Variants in TNRC6B observed in about 807,000 individuals in gnomAD.
TNRC6B encodes trinucleotide repeat-containing gene 6B protein.
In TNRC6B, 52 loss-of-function variants were observed where a neutral mutation model predicts 203.6. The ratio of observed to expected loss-of-function variants is 0.26; its 90% CI spans 0.20 to 0.32. TNRC6B has a LOEUF of 0.32. TNRC6B is among the 10% of genes least tolerant of loss of function. The pLI, the probability that TNRC6B is intolerant of heterozygous loss-of-function variation, is 1.00. For missense variants in TNRC6B, 1,923 were observed against 2,286.2 expected (o/e 0.84, Z 3.24); for synonymous variants, 838 against 845.7 (o/e 0.99, Z 0.16).
chr22:40,295,213 C>T lies in TNRC6B; in HGVS notation c.3709-5242C>T, dbSNP rs147828759. On this transcript the variant is annotated intron_variant, in intron 12 of 22. Transcript: ENST00000454349. ...AAGATGGGCCAAGCATGGTGGCTCA[C>T]GCCTGTAATCCTAGCATTTCGGGAG... Among the ~76,000 whole-genome samples, 627 of 152,260 alleles carry T rather than the reference C, an allele frequency of 4.1e-3. 5 individuals are homozygous for T. The highest frequency in any genetic ancestry group is 0.013 in the African/African-American group (560 of 41,552).
intron 4 of TNRC6B, among the ~76,000 whole-genome samples, chr22:40,158,383 TAAATAAAG>T (rs2068837815): frequency 1.4e-5 from 2 of 141,130 alleles, no homozygotes; most frequent in African/African-American, 5.1e-5. Context: ...AATAAATAAA[TAAATAAAG>T]AGGGAGTTGA....
rs2071443941 is a variant in TNRC6B at position 40,329,629 on chromosome 22, G to A, written c.*6388G>A. On this transcript the variant is annotated 3_prime_UTR_variant, in exon 23 of 23. Coordinates refer to ENST00000454349, the MANE Select transcript of TNRC6B (RefSeq NM_001162501.2). ...CCATGAACCTACGAGGTGGTAAAGGGGGACACAGGTCAGGGAGTGGAGAGC... is the reference window on the plus strand; with the variant it reads ...CCATGAACCTACGAGGTGGTAAAGGAGGACACAGGTCAGGGAGTGGAGAGC... The A allele has an allele frequency of 6.6e-6, 1 of 152,106 alleles. No individual in the cohort carries two copies. The highest frequency in any genetic ancestry group is 6.5e-5 in the Admixed American group (1 of 15,278). 9.4% of individuals were successfully genotyped at this position (152,106 alleles called of 1,614,324 possible).
At chr22:40,171,777 C>T (rs1401242612) in intron 4 of TNRC6B, among the ~76,000 whole-genome samples, 1 of 152,154 alleles carries the variant, frequency 6.6e-6, no homozygotes, top group African/African-American at 2.4e-5. Flanking sequence ...TCTTGAGATT[C>T]ATTTCATGCC....
chr22:40,315,305 A>G lies in TNRC6B; in HGVS notation c.4701A>G (p.Ser1567=). The change falls in exon 20 of 23, where the codon TCA becomes TCG. Residue 1567 remains serine, a synonymous_variant. Transcript: ENST00000454349. ...CAGCAAAGTTCCCTGATTACAAATC[A>G]ACATGGTCCCCAGATCCCATAGGAC... ...STSAKFPDYK[S]TWSPDPIGHN... The G allele has an allele frequency of 6.2e-7, 1 of 1,614,026 alleles. No individual in the cohort carries two copies. The highest frequency in any genetic ancestry group is 8.5e-7 in the Non-Finnish European group (1 of 1,179,896).
intron 3 of TNRC6B, among the ~76,000 whole-genome samples, chr22:40,152,761 G>A (rs866056359): frequency 2.6e-5 from 4 of 152,032 alleles, no homozygotes; most frequent in South Asian, 4.2e-4. Context: ...GTGAGCCACC[G>A]TGCCTGGCTT....
chr22:40,059,331 C>T (rs767433532), intron 1 of TNRC6B, among the ~76,000 whole-genome samples: 22 of 152,178 alleles, frequency 1.4e-4, no homozygotes, highest in Non-Finnish European at 3.1e-4. Context: ...ATTACGTAGA[C>T]TTTGCTAATT....
Position 40,315,333 on chromosome 22 carries a change from A to C in TNRC6B, c.4729A>C (p.Asn1577His), listed in dbSNP as rs1408771842. The change falls in exon 20 of 23, where the codon AAC becomes CAC. Residue 1577 changes from asparagine to histidine, a missense_variant. Physicochemically the swap from Asn to His is moderately conservative, Grantham distance 68. This residue lies in a region of TNRC6B where 159 missense variants were observed against 181.0 expected (regional missense o/e 0.88). Coordinates refer to ENST00000454349, the MANE Select transcript of TNRC6B (RefSeq NM_001162501.2). ...ATGGTCCCCAGATCCCATAGGACAC[A>C]ACCCCACTCATCTCTCCAACAAGAT... Reference protein sequence around the residue: ...STWSPDPIGHNPTHLSNKMWK... With the variant: ...STWSPDPIGHHPTHLSNKMWK... 6 of 1,613,998 alleles carry C rather than the reference A, an allele frequency of 3.7e-6. No individual in the cohort carries two copies. Among genetic ancestry groups the C allele is most frequent in the Non-Finnish European group, 5.1e-6 (6 of 1,179,886 alleles).
chr22:40,170,862 CATATAT>C (rs1217399705), intron 4 of TNRC6B, among the ~76,000 whole-genome samples: 1 of 111,384 alleles, frequency 9.0e-6, no homozygotes, highest in Non-Finnish European at 1.8e-5. Context: ...TGTATATATA[CATATAT>C]GTACATATAT....
At chr22:40,260,718 C>G (rs1376286799) in intron 3 of TNRC6B, among the ~76,000 whole-genome samples, 1 of 152,180 alleles carries the variant, frequency 6.6e-6, no homozygotes, top group Non-Finnish European at 1.5e-5. Context: ...GGACATTTAA[C>G]TCTTCTAGGC....
At chr22:40,286,622 G>T (rs927727741) in intron 12 of TNRC6B, among the ~76,000 whole-genome samples, 5 of 152,200 alleles carry the variant, frequency 3.3e-5, no homozygotes, top group African/African-American at 1.2e-4. Flanking sequence ...AACTAATGAA[G>T]TAGCAGAGAC....
In TNRC6B at chr22:40,264,896, G is replaced by T. The variant is rs199953986; in HGVS notation, c.666G>T (p.Ser222=). The T allele has an allele frequency of 2.5e-6, 4 of 1,613,776 alleles. No individual in the cohort carries two copies. Among genetic ancestry groups the T allele is most frequent in the Non-Finnish European group, 3.4e-6 (4 of 1,179,854 alleles). The change falls in exon 5 of 23, where the codon TCG becomes TCT. Residue 222 remains serine (S), a synonymous_variant. Coordinates refer to ENST00000454349, the MANE Select transcript of TNRC6B (RefSeq NM_001162501.2). ...ACACCACCGATAACAACAGTGCCTC[G>T]AACCCTGGCTCTGAGAAGAGCACTC... The part of the protein sequence containing the change: ...SENTTDNNSA[S]NPGSEKSTLP...
rs553546600 is a variant in TNRC6B at position 40,329,554 on chromosome 22, C to T, written c.*6313C>T. On this transcript the variant is annotated 3_prime_UTR_variant, in exon 23 of 23. Coordinates refer to ENST00000454349, the MANE Select transcript of TNRC6B (RefSeq NM_001162501.2). ...ACAATAAAAATTCAACATCGACCCT[C>T]CCTAACCTGCTCACCATACCTCCCC... 3 of 152,224 alleles carry T rather than the reference C, an allele frequency of 2.0e-5. No homozygotes were observed. Among genetic ancestry groups the T allele is most frequent in the Admixed American group, 2.0e-4 (3 of 15,290 alleles). The allele number at this position is 152,224 out of a possible 1,614,324, so 9.4% of individuals were successfully genotyped here.
chr22:40,243,329 T>A (rs1367148890), intron 1 of TNRC6B, among the ~76,000 whole-genome samples: 2 of 152,208 alleles, frequency 1.3e-5, no homozygotes, highest in African/African-American at 4.8e-5. Flanking sequence ...AAGTAGATTC[T>A]TCCTAAGGAA....
intron 1 of TNRC6B, among the ~76,000 whole-genome samples, chr22:40,093,440 C>T (rs73424215): frequency 0.044 from 6,711 of 152,184 alleles, 450 homozygotes; most frequent in African/African-American, 0.14. Flanking sequence ...ACTAAATCGT[C>T]TGAATCAGGA....
At chr22:40,159,316 A>G (rs2068850859) in intron 4 of TNRC6B, among the ~76,000 whole-genome samples, 1 of 150,616 alleles carries the variant, frequency 6.6e-6, no homozygotes, top group African/African-American at 2.4e-5. Flanking sequence ...GTCAGAAAAC[A>G]TTCAAACAGC....
intron 1 of TNRC6B, among the ~76,000 whole-genome samples, chr22:40,073,354 T>G (rs2037014783): frequency 6.6e-6 from 1 of 152,106 alleles, no homozygotes; most frequent in Non-Finnish European, 1.5e-5. Context: ...CTGTGGAGCC[T>G]TTTAGGATTC....
chr22:40,077,733 A>G (rs1017890972), intron 1 of TNRC6B, among the ~76,000 whole-genome samples: 6 of 152,278 alleles, frequency 3.9e-5, no homozygotes, highest in African/African-American at 1.2e-4. Context: ...TTACGCTGAG[A>G]TAACCACTGT....
At chr22:40,277,285 TTTGAG>T in intron 8 of TNRC6B, 134 bp downstream of exon 8, 1 of 572,240 alleles carries the variant, frequency 1.7e-6, no homozygotes, top group South Asian at 3.4e-5. Flanking sequence ...TTCTTGACCT[TTTGAG>T]TTAAGTAATA....
chr22:40,239,194 C>T (rs144178564), intron 1 of TNRC6B, among the ~76,000 whole-genome samples: 135 of 152,244 alleles, frequency 8.9e-4, no homozygotes, highest in African/African-American at 3.2e-3. Flanking sequence ...CAGAGCAAGA[C>T]TCCATCTCAA....
Sources: allele counts gnomAD v4.1 joint callset (sites outside exome capture counted in the v4.1 genomes callset), GRCh38; gene constraint gnomAD v4.1.1; regional missense constraint gnomAD v4.1.1; transcripts MANE v1.5; gene names NCBI Gene and HGNC (gene_info 2026-07-23, HGNC 2026-07-21).